Variants in HRG observed in about 807,000 individuals in gnomAD.
The protein encoded by HRG is histidine-rich glycoprotein.
In HRG, 26 loss-of-function variants were observed where a neutral mutation model predicts 29.5. That is an observed-to-expected ratio of 0.88 (90% CI 0.65 to 1.22). The LOEUF is 1.22. Ranked by LOEUF, HRG falls within the 50% of genes most tolerant of loss-of-function variation. The pLI, the probability that HRG is intolerant of heterozygous loss-of-function variation, is 0.00. For missense variants in HRG, 671 were observed against 654.5 expected, an observed-to-expected ratio of 1.03 and a Z score of -0.28; for synonymous variants, 243 against 240.4, an observed-to-expected ratio of 1.01 and a Z score of -0.10.
At chr3:186,673,229 G>A in intron 5 of HRG, 2 of 347,068 alleles carry the variant, frequency 5.8e-6, no homozygotes, top group South Asian at 2.4e-5. Flanking sequence ...TCAGCCTCCG[G>A]AGTAACTGGG....
intron 5 of HRG, chr3:186,674,702 C>A (rs1385486914): frequency 5.9e-6 from 2 of 338,872 alleles, no homozygotes; most frequent in Non-Finnish European, 1.2e-5. Context: ...AAGGGACCAG[C>A]TGAAGTTGTA....
chr3:186,677,317 CA>C lies in HRG; in HGVS notation c.1015del (p.Arg339AspfsTer100). 1 of 1,614,056 alleles carries C rather than the reference CA, an allele frequency of 6.2e-7. No homozygotes were observed. ...QHATFGTNGA[Q>X]RHSHNNNSSD... Reference sequence around the variant, plus strand: ...TGCCACTTTTGGCACAAATGGGGCCCAAAGACATTCTCATAATAATAATTCC... The same window carrying C: ...TGCCACTTTTGGCACAAATGGGGCCCAAGACATTCTCATAATAATAATTCC... On this transcript the variant is annotated frameshift_variant, in exon 7 of 7. Transcript: ENST00000232003. LOFTEE classifies it low-confidence loss of function (END_TRUNC).
Position 186,675,298 on chromosome 3 carries a change from T to TGAGAGAGA in HRG, c.741+109_741+110insAGAGAGAG, listed in dbSNP as rs1458279876. 477 of 617,770 alleles carry TGAGAGAGA rather than the reference T, an allele frequency of 7.7e-4. 3 individuals are homozygous for TGAGAGAGA. The highest frequency in any genetic ancestry group is 7.4e-3 in the African/African-American group (340 of 46,252). The allele number at this position is 617,770 out of a possible 1,614,324, so 38.3% of individuals were successfully genotyped here. A position where few individuals can be genotyped will look rare whatever the true frequency, so the allele number is the denominator to read the frequency against. ...CTCTATGAGTGGGTGTGTGTGTGTG[T>TGAGAGAGA]GTGTGTGTGTGAGAGAGAGAGAGAG... is the stretch of plus-strand genomic sequence containing the variant. On this transcript the variant is annotated intron_variant, in intron 6 of 6. Coordinates refer to ENST00000232003, the MANE Select transcript of HRG (RefSeq NM_000412.5).
At chr3:186,669,180 A>T (rs773180255) in intron 2 of HRG, 129 bp downstream of exon 2, 2 of 764,492 alleles carry the variant, frequency 2.6e-6, no homozygotes, top group African/African-American at 1.7e-5. Flanking sequence ...ATTCATGAAG[A>T]TGATGTTAAC....
At chr3:186,671,931 G>A (rs1468163653) in intron 4 of HRG, 142 bp downstream of exon 4, 2 of 739,748 alleles carry the variant, frequency 2.7e-6, no homozygotes, top group Non-Finnish European at 4.6e-6. Flanking sequence ...TAAAAGACAG[G>A]CAGCAGGTAT....
chr3:186,676,191 T>A (rs1407281106), intron 6 of HRG, among the ~76,000 whole-genome samples: 2 of 151,930 alleles, frequency 1.3e-5, no homozygotes, highest in African/African-American at 4.8e-5. Context: ...TTTTAAAAAA[T>A]TAAACTCTGA....
At position 186,675,300 on chromosome 3, in the gene HRG, T is replaced by TGAGAGAGA. The variant is rs1367965463; in HGVS notation, c.741+111_741+112insAGAGAGAG. ...CTATGAGTGGGTGTGTGTGTGTGTG[T>TGAGAGAGA]GTGTGTGTGAGAGAGAGAGAGAGAG... is the stretch of plus-strand genomic sequence containing the variant. On this transcript the variant is annotated intron_variant, in intron 6 of 6. Coordinates refer to ENST00000232003, the MANE Select transcript of HRG (RefSeq NM_000412.5). The TGAGAGAGA allele has an allele frequency of 7.2e-4, 436 of 602,406 alleles. 1 individual carries two copies. Among genetic ancestry groups the TGAGAGAGA allele is most frequent in the African/African-American group, 6.9e-3 (307 of 44,344 alleles). The allele number at this position is 602,406 out of a possible 1,614,324, so 37.3% of individuals were successfully genotyped here.
intron 1 of HRG, among the ~76,000 whole-genome samples, chr3:186,668,364 G>C (rs1718676883): frequency 6.6e-6 from 1 of 152,172 alleles, no homozygotes; most frequent in Non-Finnish European, 1.5e-5. Flanking sequence ...AGACCATTCA[G>C]GGCCTGGTAC....
chr3:186,666,577 G>T (rs1208829088), intron 1 of HRG, among the ~76,000 whole-genome samples: 1 of 152,142 alleles, frequency 6.6e-6, no homozygotes, highest in Admixed American at 6.5e-5. Flanking sequence ...AGAAGGAAAA[G>T]TTTTCTCAAC....
intron 3 of HRG, 82 bp downstream of exon 3, chr3:186,670,110 C>T: frequency 1.3e-6 from 1 of 784,640 alleles, no homozygotes; most frequent in Non-Finnish European, 2.3e-6. Flanking sequence ...CATCTATGTA[C>T]ATATGTATTC....
chr3:186,666,469 G>C (rs954508018), intron 1 of HRG, among the ~76,000 whole-genome samples: 1 of 152,188 alleles, frequency 6.6e-6, no homozygotes, highest in Non-Finnish European at 1.5e-5. Context: ...AGGACTGCCA[G>C]AGAAACATTA....
chr3:186,669,997 A>G lies in HRG; in HGVS notation c.360A>G (p.Arg120=). Residue 120 remains arginine (R), a synonymous_variant, in exon 3 of 7, where the codon AGA becomes AGG. Coordinates refer to ENST00000232003, the MANE Select transcript of HRG (RefSeq NM_000412.5). ...ATTCCCATGAATCTCAGGACCTCAG[A>G]GTGATTGACTTTAACTGCACCACAA... ...TRHSHESQDL[R]VIDFNCTTSS... The G allele has an allele frequency of 6.3e-7, 1 of 1,592,762 alleles. No individual in the cohort carries two copies. The highest frequency in any genetic ancestry group is 8.6e-7 in the Non-Finnish European group (1 of 1,162,358).
At chr3:186,676,733 A>C (rs1560042152) in intron 6 of HRG, among the ~76,000 whole-genome samples, 1 of 152,100 alleles carries the variant, frequency 6.6e-6, no homozygotes, top group Non-Finnish European at 1.5e-5. Context: ...GAATTGCTTG[A>C]ACCTGAGAGG....
At chr3:186,667,363 G>C (rs1718646291) in intron 1 of HRG, 1 of 152,222 alleles carries the variant, frequency 6.6e-6, no homozygotes, top group Non-Finnish European at 1.5e-5. Flanking sequence ...CTGGAGAAGA[G>C]AAATTTTAGT....
chr3:186,678,043 C>A lies in HRG; in HGVS notation c.*160C>A. ...AAAGAGATGGCCTGAGAAGAGAGAT[C>A]AAATGGAAAGGAGAGGAAAGAACTC... On this transcript the variant is annotated 3_prime_UTR_variant, in exon 7 of 7. Coordinates refer to ENST00000232003, the MANE Select transcript of HRG (RefSeq NM_000412.5). 1.4e-6 allele frequency: 1 copy of A among 721,770 alleles called. No individual in the cohort carries two copies. The highest frequency in any genetic ancestry group is 2.3e-6 in the Non-Finnish European group (1 of 435,082). The allele number at this position is 721,770 out of a possible 1,614,324, so 44.7% of individuals were successfully genotyped here. A position where few individuals can be genotyped will look rare whatever the true frequency, so the allele number is the denominator to read the frequency against.
chr3:186,677,232 AC>A lies in HRG; in HGVS notation c.932del (p.Pro311HisfsTer128). 6.2e-7 allele frequency: 1 copy of A among 1,613,602 alleles called. No individual in the cohort carries two copies. Among genetic ancestry groups the A allele is most frequent in the Non-Finnish European group, 8.5e-7 (1 of 1,179,882 alleles). ...PPDERDHSHG[P>X]PLPQGPPPLL... ...CAGATGAAAGAGATCACTCACATGG[AC>A]CCCCACTTCCACAAGGCCCTCCTCC... On this transcript the variant is annotated frameshift_variant, in exon 7 of 7. Coordinates refer to ENST00000232003, the MANE Select transcript of HRG (RefSeq NM_000412.5). LOFTEE classifies it low-confidence loss of function (END_TRUNC).
Position 186,675,067 on chromosome 3 carries a change from A to G in HRG, c.640-22A>G, listed in dbSNP as rs113553006. On this transcript the variant is annotated intron_variant, in intron 5 of 6. Transcript: ENST00000232003. ...TCACACCACCTGGACACACACACTA[A>G]CAGCTCCTCATTCCTTTGTAGGTCT... 17 of 1,523,610 alleles carry G rather than the reference A, an allele frequency of 1.1e-5. No individual in the cohort carries two copies. In the African/African-American group the frequency reaches 1.4e-4, roughly 12 times the overall value. 94.4% of individuals were successfully genotyped at this position (1,523,610 alleles called of 1,614,324 possible).
intron 5 of HRG, chr3:186,674,493 G>A (rs967663920): frequency 5.9e-6 from 1 of 168,556 alleles, no homozygotes; most frequent in East Asian, 1.6e-4. Flanking sequence ...TCAATGCTTA[G>A]CAATTTCTTC....
At chr3:186,673,467 C>A in intron 5 of HRG, 1 of 163,470 alleles carries the variant, frequency 6.1e-6, no homozygotes, top group Admixed American at 5.7e-5. Context: ...ATTTTTAATC[C>A]CAAATTAGCA....
Sources: gnomAD v4.1 joint callset for allele counts (sites outside exome capture counted in the v4.1 genomes callset) on GRCh38, gnomAD v4.1.1 for gene constraint, MANE v1.5 for transcripts, NCBI Gene and HGNC (gene_info 2026-07-23, HGNC 2026-07-21) for gene names.